The following ASTN2 variants were observed in gnomAD, a reference collection of about 807,000 sequenced individuals.
The protein encoded by ASTN2 is astrotactin 2.
ASTN2 carries 54 observed loss-of-function variants against 139.8 expected under a neutral mutation model. The ratio of observed to expected loss-of-function variants is 0.39; its 90% CI spans 0.31 to 0.48. The LOEUF (loss-of-function observed/expected upper bound fraction) is 0.48, where lower values mean the gene tolerates loss of function less well. Ranked by LOEUF, ASTN2 falls within the 20% of genes least tolerant of loss-of-function variation. The pLI, the probability that ASTN2 is intolerant of heterozygous loss-of-function variation, is 0.95. For synonymous variants in ASTN2, 756 were observed against 719.5 expected (o/e 1.05, Z -0.81); for missense variants, 1,565 against 1,725.1 (o/e 0.91, Z 1.64).
At chr9:116,449,442 T>C (rs1041800933) in intron 20 of ASTN2, among the ~76,000 whole-genome samples, 1 of 152,166 alleles carries the variant, frequency 6.6e-6, no homozygotes, top group Non-Finnish European at 1.5e-5. Flanking sequence ...ATGTGTATGA[T>C]AATATTATCT....
At chr9:117,163,077 A>G (rs1830589529) in intron 3 of ASTN2, among the ~76,000 whole-genome samples, 1 of 150,844 alleles carries the variant, frequency 6.6e-6, no homozygotes, top group African/African-American at 2.4e-5. Context: ...TTTCTCTGCC[A>G]GGCTCCATCT....
intron 1 of ASTN2, among the ~76,000 whole-genome samples, chr9:117,324,045 A>T (rs976058626): frequency 2.6e-5 from 4 of 152,152 alleles, no homozygotes; most frequent in African/African-American, 9.6e-5. Context: ...CAATCAGCCC[A>T]TACAGTACAT....
chr9:117,141,947 A>G (rs1564446553), intron 3 of ASTN2, among the ~76,000 whole-genome samples: 1 of 152,184 alleles, frequency 6.6e-6, no homozygotes, highest in Non-Finnish European at 1.5e-5. Flanking sequence ...TTAGGATGAG[A>G]CCTTAAAGAT....
chr9:116,779,115 C>T (rs1158448232), intron 13 of ASTN2, among the ~76,000 whole-genome samples: 1 of 39,336 alleles, frequency 2.5e-5, no homozygotes, highest in Non-Finnish European at 1.1e-4. Flanking sequence ...CCACTCTCCC[C>T]ATATCTCTGT....
chr9:116,733,823 G>T (rs897081395), intron 13 of ASTN2, among the ~76,000 whole-genome samples: 1 of 152,210 alleles, frequency 6.6e-6, no homozygotes, highest in Middle Eastern at 3.4e-3. Context: ...TCAGATCTAA[G>T]GGCTGTTGTA....
intron 13 of ASTN2, among the ~76,000 whole-genome samples, chr9:116,767,561 G>T (rs1718539523): frequency 6.6e-6 from 1 of 152,206 alleles, no homozygotes; most frequent in Admixed American, 6.5e-5. Context: ...CACTAATAAA[G>T]CGTGTGGCTG....
At chr9:116,533,087 G>A (rs1252005444) in intron 19 of ASTN2, among the ~76,000 whole-genome samples, 5 of 152,162 alleles carry the variant, frequency 3.3e-5, no homozygotes, top group African/African-American at 1.2e-4. Context: ...TCCCTTGTAA[G>A]TTGGATTCCT....
chr9:116,942,090 G>GCACA (rs71379244), intron 10 of ASTN2, among the ~76,000 whole-genome samples: 3 of 149,882 alleles, frequency 2.0e-5, no homozygotes, highest in Non-Finnish European at 4.5e-5. Context: ...ACGCACGCAC[G>GCACA]CACACACACA....
intron 2 of ASTN2, among the ~76,000 whole-genome samples, chr9:117,224,973 A>T (rs1375861008): frequency 6.6e-6 from 1 of 152,092 alleles, no homozygotes. Flanking sequence ...GGTGTTCTTA[A>T]TCATCTCTGT....
At chr9:117,006,947 T>A (rs1243536183) in intron 7 of ASTN2, among the ~76,000 whole-genome samples, 3 of 151,974 alleles carry the variant, frequency 2.0e-5, no homozygotes. Flanking sequence ...AAACCCCCCA[T>A]CTCTACTAAA....
In ASTN2 at chr9:117,145,020, A is replaced by T. The variant is rs143043092; in HGVS notation, c.1016-3542T>A. Among the ~76,000 whole-genome samples, 551 of 152,096 alleles carry T rather than the reference A, an allele frequency of 3.6e-3. 14 individuals carry two copies. The East Asian group carries it at 0.064, about 18-fold the overall frequency. ...AAACTTTTATTTTAGACTCAGGGGT[A>T]CAAGTACAGGTTTGTTACGTAGGTA... On this transcript the variant is annotated intron_variant, in intron 3 of 22. Transcript: ENST00000313400.
intron 3 of ASTN2, among the ~76,000 whole-genome samples, chr9:117,206,118 T>G (rs532093483): frequency 2.8e-4 from 42 of 152,092 alleles, no homozygotes; most frequent in African/African-American, 9.9e-4. Flanking sequence ...ACCAAAGCAA[T>G]GAATAAACAG....
intron 11 of ASTN2, among the ~76,000 whole-genome samples, chr9:116,853,869 G>T (rs1832674120): frequency 6.6e-6 from 1 of 152,170 alleles, no homozygotes; most frequent in African/African-American, 2.4e-5. Context: ...ACAGAAGGTG[G>T]CTTCTGCCCA....
chr9:117,046,946 G>A (rs755703998), intron 5 of ASTN2, among the ~76,000 whole-genome samples: 52 of 152,082 alleles, frequency 3.4e-4, no homozygotes, highest in Non-Finnish European at 6.3e-4. Flanking sequence ...CACTTTTCCT[G>A]GCAAGGTTTG....
chr9:116,923,503 A>G (rs114691945), intron 10 of ASTN2, among the ~76,000 whole-genome samples: 6,872 of 152,270 alleles, frequency 0.045, 468 homozygotes, highest in African/African-American at 0.15. Context: ...TTCCATTTGA[A>G]GTTATGAGAA....
intron 20 of ASTN2, among the ~76,000 whole-genome samples, chr9:116,473,210 C>T (rs1399056499): frequency 2.6e-5 from 4 of 152,162 alleles, no homozygotes; most frequent in South Asian, 2.1e-4. Flanking sequence ...GACAGACTGT[C>T]TTCATTCATT....
intron 10 of ASTN2, among the ~76,000 whole-genome samples, chr9:116,960,171 C>A (rs908243628): frequency 6.6e-6 from 1 of 152,108 alleles, no homozygotes; most frequent in Non-Finnish European, 1.5e-5. Flanking sequence ...GATGCTCCTC[C>A]GAGCCCTGCA....
intron 10 of ASTN2, among the ~76,000 whole-genome samples, chr9:116,913,978 G>A (rs1834379643): frequency 6.7e-6 from 1 of 149,720 alleles, no homozygotes; most frequent in African/African-American, 2.5e-5. Context: ...AAAAGGAACA[G>A]ATTGATGATA....
At chr9:117,037,951 G>A (rs1178140837) in intron 6 of ASTN2, among the ~76,000 whole-genome samples, 2 of 152,104 alleles carry the variant, frequency 1.3e-5, no homozygotes, top group African/African-American at 4.8e-5. Context: ...TGTCTTATGT[G>A]CACATATGAC....
Sources: gnomAD v4.1 joint callset for allele counts (sites outside exome capture counted in the v4.1 genomes callset) on GRCh38, gnomAD v4.1.1 for gene constraint, MANE v1.5 for transcripts, NCBI Gene and HGNC (gene_info 2026-07-23, HGNC 2026-07-21) for gene names.